The following SMARCD3 variants were observed in gnomAD, a reference collection of about 807,000 sequenced individuals.
SMARCD3 encodes SWI/SNF-related matrix-associated actin-dependent regulator of chromatin subfamily D member 3.
Under a neutral mutation model 58.0 loss-of-function variants are expected in SMARCD3, and 14 were observed. That is an observed-to-expected ratio of 0.24 (90% confidence interval 0.16 to 0.38). SMARCD3 has a LOEUF of 0.38. Among genes scored for constraint, SMARCD3 ranks in the 10% least tolerant of loss-of-function variants. The pLI is 1.00. For synonymous variants in SMARCD3, 253 were observed against 253.8 expected (o/e 1.00, Z 0.03); for missense variants, 408 against 636.9 (o/e 0.64, Z 3.87).
At chr7:151,250,939 C>A (rs540003683), upstream of SMARCD3, among the ~76,000 whole-genome samples, 2 of 152,336 alleles carry the variant, frequency 1.3e-5, no homozygotes, top group African/African-American at 4.8e-5. Context: ...ACCATGGGTG[C>A]GTCTAGCAGG....
intron 2 of SMARCD3, among the ~76,000 whole-genome samples, chr7:151,256,367 C>T (rs561731825): frequency 1.1e-3 from 164 of 151,844 alleles, no homozygotes; most frequent in African/African-American, 3.8e-3. Context: ...GACAGGGTTT[C>T]ACCATGTTGG....
chr7:151,257,050 AT>A (rs1803723508), intron 2 of SMARCD3, among the ~76,000 whole-genome samples: 1 of 152,106 alleles, frequency 6.6e-6, no homozygotes, highest in Non-Finnish European at 1.5e-5. Flanking sequence ...CTCTTCTTTC[AT>A]TTTTTATTAC....
chr7:151,270,639 G>A (rs1305920212), intron 2 of SMARCD3, among the ~76,000 whole-genome samples: 1 of 152,214 alleles, frequency 6.6e-6, no homozygotes, highest in African/African-American at 2.4e-5. Flanking sequence ...AGTTAGCCAG[G>A]TGAAGGGAGC....
At position 151,241,403 on chromosome 7, in the gene SMARCD3, GA is replaced by G. The variant is rs772296932; in HGVS notation, c.939+88del. 9.1e-7 allele frequency: 1 copy of G among 1,097,730 alleles called. No individual in the cohort carries two copies. The highest frequency in any genetic ancestry group is 1.4e-6 in the Non-Finnish European group (1 of 731,882). The allele number at this position is 1,097,730 out of a possible 1,614,324, so 68.0% of individuals were successfully genotyped here. ...TTCTGCTACTCAGGAATCTAGAAGG[GA>G]GGGGTGGTAGTTACCTTGGTAGAGG... On this transcript the variant is annotated intron_variant, in intron 8 of 12. Coordinates refer to ENST00000262188, the MANE Select transcript of SMARCD3 (RefSeq NM_001003801.2). The surrounding 1 kb of genome is among the most constrained non-coding windows in gnomAD (Gnocchi z 5.3).
chr7:151,276,122 G>T (rs2150621335), intron 1 of SMARCD3, among the ~76,000 whole-genome samples: 2 of 151,192 alleles, frequency 1.3e-5, no homozygotes, highest in East Asian at 2.0e-4. Context: ...ATGCGGTAGG[G>T]GAGGGGCTAC....
At chr7:151,257,201 ATC>A (rs1019538645) in intron 2 of SMARCD3, among the ~76,000 whole-genome samples, 2 of 151,900 alleles carry the variant, frequency 1.3e-5, no homozygotes, top group African/African-American at 4.8e-5. Context: ...TCCTGAAACA[ATC>A]TCTCTTAACC....
chr7:151,269,631 G>A (rs910944506), intron 2 of SMARCD3, among the ~76,000 whole-genome samples: 2 of 152,218 alleles, frequency 1.3e-5, no homozygotes, highest in East Asian at 3.9e-4. Context: ...GGCCAGTGGC[G>A]TATGCGGGCA....
At position 151,243,602 on chromosome 7, in the gene SMARCD3, AGGGCGGAGCAGCAAAGGGTGGGGGGT is replaced by A; in HGVS notation, c.333+31_333+56del. On this transcript the variant is annotated intron_variant, in intron 3 of 12. Coordinates refer to ENST00000262188, the MANE Select transcript of SMARCD3 (RefSeq NM_001003801.2). This position sits in a 1 kb window ranked among gnomAD's most constrained non-coding sequence, Gnocchi z 4.4. Reference sequence around the variant, plus strand: ...AGCTCTGCTTCTGAGGGGGGAGGGGAGGGCGGAGCAGCAAAGGGTGGGGGGTGGGCTGGGGGCTGCTGTGAAAGGCA... The same window carrying A: ...AGCTCTGCTTCTGAGGGGGGAGGGGAGGGCTGGGGGCTGCTGTGAAAGGCA... 7 of 870,130 alleles carry A rather than the reference AGGGCGGAGCAGCAAAGGGTGGGGGGT, an allele frequency of 8.0e-6. No individual in the cohort carries two copies. In the South Asian group the frequency reaches 9.5e-5, roughly 12 times the overall value. 53.9% of individuals were successfully genotyped at this position (870,130 alleles called of 1,614,324 possible). A position where few individuals can be genotyped will look rare whatever the true frequency, so the allele number is the denominator to read the frequency against.
intron 2 of SMARCD3, among the ~76,000 whole-genome samples, chr7:151,260,585 C>A (rs1377716005): frequency 1.3e-5 from 2 of 152,154 alleles, no homozygotes; most frequent in South Asian, 4.1e-4. Context: ...AACTCCTGTG[C>A]GACGTACACA....
At position 151,246,809 on chromosome 7, in the gene SMARCD3, G is replaced by T. The variant is rs1204935670; in HGVS notation, c.79-1138C>A. On this transcript the variant is annotated intron_variant, in intron 1 of 12. Transcript: ENST00000262188. The surrounding 1 kb of genome is among the most constrained non-coding windows in gnomAD (Gnocchi z 4.4). Reference sequence around the variant, plus strand: ...GGGAGGGCCAGAGAGAGTTTCAGGGGCTGTGAAACAGAAAGAGCGGGGTGG... The same window carrying T: ...GGGAGGGCCAGAGAGAGTTTCAGGGTCTGTGAAACAGAAAGAGCGGGGTGG... Among the ~76,000 whole-genome samples the T allele has an allele frequency of 2.0e-5, 3 of 152,150 alleles. No homozygotes were observed. Among genetic ancestry groups the T allele is most frequent in the African/African-American group, 7.2e-5 (3 of 41,424 alleles).
At position 151,240,520 on chromosome 7, in the gene SMARCD3, A is replaced by T. The variant is rs1393360953; in HGVS notation, c.942T>A (p.Ile314=). Residue 314 remains isoleucine (I), a splice_region_variant and synonymous_variant, in exon 9 of 13, where the codon ATT becomes ATA. Transcript: ENST00000262188. ...YINGDKYFQQ[I]FDCPRLKFSE... is the part of the protein sequence containing the mutation. ...AAAACTTCAGCCGGGGACAATCAAA[A>T]ATCTGAAGCAGGACAATTGGGGAGA... 6.2e-7 allele frequency: 1 copy of T among 1,611,138 alleles called. No individual in the cohort carries two copies. Among genetic ancestry groups the T allele is most frequent in the Non-Finnish European group, 8.5e-7 (1 of 1,178,000 alleles).
At position 151,243,307 on chromosome 7, in the gene SMARCD3, C is replaced by T. The variant is rs564528093; in HGVS notation, c.333+352G>A. On this transcript the variant is annotated intron_variant, in intron 3 of 12. Coordinates refer to ENST00000262188, the MANE Select transcript of SMARCD3 (RefSeq NM_001003801.2). The surrounding 1 kb of genome is among the most constrained non-coding windows in gnomAD (Gnocchi z 4.4). ...CCAACTGTGCTGTCCCCATACCCAG[C>T]TGGACCTGGGTCTCTTTAGGATGCT... is the stretch of plus-strand genomic sequence containing the variant. Among the ~76,000 whole-genome samples, 1 of 152,338 alleles carries T rather than the reference C, an allele frequency of 6.6e-6. No homozygotes were observed. The highest frequency in any genetic ancestry group is 1.9e-4 in the East Asian group (1 of 5,182).
rs1305811347 is a variant in SMARCD3, at chr7:151,259,618, T to TTG, written c.40-13948_40-13947insCA. ...ACCTGAGAGTTTTTTTTTTTTTTTT[T>TTG]TTTTTTTTGAGACGGACTTTCACTC... On this transcript the variant is annotated intron_variant, in intron 2 of 13. Coordinates refer to the SMARCD3 transcript ENST00000356800. Among the ~76,000 whole-genome samples the TTG allele has an allele frequency of 2.0e-3, 274 of 136,338 alleles. 4 individuals are homozygous for TTG. The highest frequency in any genetic ancestry group is 7.9e-3 in the African/African-American group (266 of 33,766). 89.4% of individuals were successfully genotyped at this position (136,338 alleles called of 152,430 possible). A position where few individuals can be genotyped will look rare whatever the true frequency, so the allele number is the denominator to read the frequency against.
Position 151,241,991 on chromosome 7 carries a change from G to T in SMARCD3, c.676-13C>A. On this transcript the variant is annotated splice_polypyrimidine_tract_variant and intron_variant, in intron 6 of 12. Coordinates refer to ENST00000262188, the MANE Select transcript of SMARCD3 (RefSeq NM_001003801.2). This position sits in a 1 kb window ranked among gnomAD's most constrained non-coding sequence, Gnocchi z 5.3. Reference sequence around the variant, plus strand: ...GTGTCCGATGCCACTGTCCAGGAGAGAAGAGCTGTGTCTCCCAAAGGCCCA... The same window carrying T: ...GTGTCCGATGCCACTGTCCAGGAGATAAGAGCTGTGTCTCCCAAAGGCCCA... 6.2e-7 allele frequency: 1 copy of T among 1,604,890 alleles called. No individual in the cohort carries two copies. The highest frequency in any genetic ancestry group is 8.5e-7 in the Non-Finnish European group (1 of 1,173,678).
chr7:151,273,730 C>T (rs567800992), intron 2 of SMARCD3, among the ~76,000 whole-genome samples: 6 of 151,922 alleles, frequency 3.9e-5, no homozygotes, highest in East Asian at 2.0e-4. Context: ...CTGGGCATGC[C>T]GCCACCAGGT....
At position 151,242,890 on chromosome 7, in the gene SMARCD3, T is replaced by G. The variant is rs1351952430; in HGVS notation, c.334-47A>C. Reference sequence around the variant, plus strand: ...AGGAGTCAGAGGCTCAAGTCCAGGGTTGTACCATGGAATGTATGCATGTTG... The same window carrying G: ...AGGAGTCAGAGGCTCAAGTCCAGGGGTGTACCATGGAATGTATGCATGTTG... On this transcript the variant is annotated intron_variant, in intron 3 of 12. Coordinates refer to ENST00000262188, the MANE Select transcript of SMARCD3 (RefSeq NM_001003801.2). The surrounding 1 kb of genome is among the most constrained non-coding windows in gnomAD (Gnocchi z 4.7). 27 of 1,606,984 alleles carry G rather than the reference T, an allele frequency of 1.7e-5. No individual in the cohort carries two copies. The highest frequency in any genetic ancestry group is 2.3e-5 in the Non-Finnish European group (27 of 1,177,318).
intron 2 of SMARCD3, among the ~76,000 whole-genome samples, chr7:151,258,439 A>C (rs774748430): frequency 7.9e-5 from 12 of 151,500 alleles, no homozygotes; most frequent in South Asian, 2.1e-4. Context: ...GTGGCATGCA[A>C]CTGTAATCCC....
rs1803371864 is a variant in SMARCD3 at position 151,248,287 on chromosome 7, C to T, written c.78+198G>A. On this transcript the variant is annotated intron_variant, in intron 1 of 12. Transcript: ENST00000262188. The surrounding 1 kb of genome is among the most constrained non-coding windows in gnomAD (Gnocchi z 6.1). ...GCAAACGCCTCCCTTCCCCGCCTCG[C>T]GTCAGACCCGGCCGGCCGCCTGGCG... Among the ~76,000 whole-genome samples the T allele has an allele frequency of 6.6e-6, 1 of 151,896 alleles. No homozygotes were observed. The highest frequency in any genetic ancestry group is 1.5e-5 in the Non-Finnish European group (1 of 67,878).
upstream of SMARCD3, among the ~76,000 whole-genome samples, chr7:151,253,685 G>A (rs1387666052): frequency 1.3e-5 from 2 of 152,152 alleles, no homozygotes; most frequent in Non-Finnish European, 2.9e-5. Flanking sequence ...TGAGGTGGTC[G>A]CTTGTAGCAG....
Sources: gnomAD v4.1 joint callset for allele counts (sites outside exome capture counted in the v4.1 genomes callset) on GRCh38, gnomAD v4.1.1 for gene constraint, Gnocchi (gnomAD v3.1) non-coding constraint, MANE v1.5 for transcripts, NCBI Gene and HGNC (gene_info 2026-07-23, HGNC 2026-07-21) for gene names.